VPS13B: variants seen among roughly 807,000 people sequenced by gnomAD.
The protein encoded by VPS13B is vacuolar protein sorting 13 homolog B.
In VPS13B, 285 loss-of-function variants were observed where a neutral mutation model predicts 426.4. The ratio of observed to expected loss-of-function variants is 0.67; its 90% CI spans 0.61 to 0.74. The LOEUF is 0.74. Ranked by LOEUF, VPS13B falls within the 30% of genes least tolerant of loss-of-function variation. The probability of loss-of-function intolerance (pLI) is 0.00; values close to 1 mark genes in which losing one functional copy is unlikely to be tolerated. For missense variants in VPS13B, 4,537 were observed against 4,782.6 expected (o/e 0.95, Z 1.51); for synonymous variants, 1,676 against 1,676.4 (o/e 1.00, Z 0.01).
intron 25 of VPS13B, among the ~76,000 whole-genome samples, chr8:99,494,883 G>A (rs1364612028): frequency 6.6e-6 from 1 of 151,144 alleles, no homozygotes; most frequent in Non-Finnish European, 1.5e-5. Context: ...TTGACAAACT[G>A]GCCCTTTATT....
intron 22 of VPS13B, among the ~76,000 whole-genome samples, chr8:99,433,773 T>G (rs1588374862): frequency 6.6e-6 from 1 of 152,226 alleles, no homozygotes; most frequent in Non-Finnish European, 1.5e-5. Context: ...GGCTGTTAGC[T>G]TCTTTCCTCT....
chr8:99,417,718 A>G (rs1303742965), intron 21 of VPS13B, among the ~76,000 whole-genome samples: 16 of 151,658 alleles, frequency 1.1e-4, no homozygotes, highest in Admixed American at 1.1e-3. Flanking sequence ...CAGTGTGCTC[A>G]CTCTTTCTCA....
chr8:99,360,719 G>C (rs1415217861), intron 19 of VPS13B, among the ~76,000 whole-genome samples: 1 of 152,140 alleles, frequency 6.6e-6, no homozygotes, highest in Non-Finnish European at 1.5e-5. Context: ...AAGGGCAAAA[G>C]GTGGTGTAGC....
chr8:99,773,196 G>C (rs568597252), intron 40 of VPS13B, among the ~76,000 whole-genome samples: 6 of 152,236 alleles, frequency 3.9e-5, no homozygotes, highest in Non-Finnish European at 7.4e-5. Context: ...AAAATACAGA[G>C]ACTTAGCCAG....
intron 17 of VPS13B, among the ~76,000 whole-genome samples, chr8:99,213,574 C>T (rs1815224526): frequency 6.6e-6 from 1 of 152,128 alleles, no homozygotes; most frequent in Admixed American, 6.5e-5. Flanking sequence ...TCCATACATA[C>T]TTTTCTCTTC....
intron 33 of VPS13B, among the ~76,000 whole-genome samples, chr8:99,606,209 CT>C (rs1378503997): frequency 1.3e-5 from 2 of 152,002 alleles, no homozygotes; most frequent in Non-Finnish European, 2.9e-5. Flanking sequence ...CGGGCTGAAA[CT>C]TTTTTAATAT....
chr8:99,476,594 C>T (rs1819702082), intron 24 of VPS13B, among the ~76,000 whole-genome samples: 1 of 151,964 alleles, frequency 6.6e-6, no homozygotes, highest in Non-Finnish European at 1.5e-5. Context: ...ATGTATGATA[C>T]CTTACGTTCA....
chr8:99,710,364 A>G (rs1408922070), intron 36 of VPS13B, among the ~76,000 whole-genome samples: 2 of 152,170 alleles, frequency 1.3e-5, no homozygotes, highest in South Asian at 4.2e-4. Context: ...GTCTTAACTC[A>G]CTTTCTGTTG....
intron 17 of VPS13B, among the ~76,000 whole-genome samples, chr8:99,247,227 A>G (rs1339179209): frequency 6.6e-6 from 1 of 152,170 alleles, no homozygotes; most frequent in Non-Finnish European, 1.5e-5. Flanking sequence ...GTATTTTAGA[A>G]TATTACCAAG....
At chr8:99,677,104 G>A (rs971772504) in intron 35 of VPS13B, among the ~76,000 whole-genome samples, 8 of 152,026 alleles carry the variant, frequency 5.3e-5, no homozygotes, top group South Asian at 4.2e-4. Flanking sequence ...CAACAAGAAC[G>A]AAACTCCATC....
chr8:99,734,934 A>C (rs1833760894), intron 39 of VPS13B, among the ~76,000 whole-genome samples: 1 of 152,222 alleles, frequency 6.6e-6, no homozygotes, highest in South Asian at 2.1e-4. Context: ...TGGAAATGTC[A>C]GAAGAAAAAT....
chr8:99,262,615 G>T (rs187772813), intron 17 of VPS13B, among the ~76,000 whole-genome samples: 14 of 152,230 alleles, frequency 9.2e-5, no homozygotes, highest in Admixed American at 6.5e-4. Flanking sequence ...TAGTATGAAA[G>T]ATTTGGAAGC....
intron 43 of VPS13B, among the ~76,000 whole-genome samples, chr8:99,791,917 A>G (rs1048206021): frequency 2.0e-5 from 3 of 152,032 alleles, no homozygotes; most frequent in African/African-American, 7.2e-5. Context: ...TACCAGGGGA[A>G]ATAGCCTAGG....
chr8:99,710,600 GATT>G (rs1302617830), intron 36 of VPS13B, among the ~76,000 whole-genome samples: 2 of 151,486 alleles, frequency 1.3e-5, no homozygotes, highest in East Asian at 3.9e-4. Flanking sequence ...GAGTCCCAGG[GATT>G]ACTTTCGTAT....
chr8:99,142,244 A>C (rs2132578679), intron 12 of VPS13B, among the ~76,000 whole-genome samples: 1 of 152,340 alleles, frequency 6.6e-6, no homozygotes, highest in East Asian at 1.9e-4. Flanking sequence ...TAAATCCTGG[A>C]AAATTCTTTC....
intron 40 of VPS13B, among the ~76,000 whole-genome samples, chr8:99,771,353 G>T (rs1811476615): frequency 2.0e-5 from 3 of 152,206 alleles, no homozygotes; most frequent in African/African-American, 7.2e-5. Context: ...ATGACAGAAG[G>T]CATCTTGGAA....
At chr8:99,818,979 G>GGGGGGT in intron 47 of VPS13B, 91 bp downstream of exon 47, 1 of 839,428 alleles carries the variant, frequency 1.2e-6, no homozygotes. Flanking sequence ...CGGGGGAGGG[G>GGGGGGT]TGGGTAGGGA....
chr8:99,578,063 G>T (rs1280265941), intron 33 of VPS13B, among the ~76,000 whole-genome samples: 1 of 152,102 alleles, frequency 6.6e-6, no homozygotes, highest in South Asian at 2.1e-4. Context: ...TGCTCAGTGG[G>T]AAATGAATGG....
chr8:99,513,902 G>A (rs1389542774), intron 29 of VPS13B, among the ~76,000 whole-genome samples: 1 of 152,032 alleles, frequency 6.6e-6, no homozygotes, highest in East Asian at 1.9e-4. Flanking sequence ...CAGACATAGC[G>A]GCTCCTCAAT....
Sources: allele counts gnomAD v4.1 joint callset (sites outside exome capture counted in the v4.1 genomes callset), GRCh38; gene constraint gnomAD v4.1.1; transcripts MANE v1.5; gene names NCBI Gene and HGNC (gene_info 2026-07-23, HGNC 2026-07-21).